Variants in LYPD2 observed in about 807,000 individuals in gnomAD.
LYPD2 encodes LY6/PLAUR domain containing 2.
LYPD2 carries 5 observed loss-of-function variants against 7.1 expected under a neutral mutation model. That is an observed-to-expected ratio of 0.70 (90% CI 0.37 to 1.48). The LOEUF is 1.48. Among genes scored for constraint, LYPD2 ranks in the 40% most tolerant of loss-of-function variants. The pLI is 0.03. For synonymous variants in LYPD2, 78 were observed against 82.0 expected, an observed-to-expected ratio of 0.95 and a Z score of 0.26; for missense variants, 177 against 171.0, an observed-to-expected ratio of 1.04 and a Z score of -0.20.
intron 1 of LYPD2, among the ~76,000 whole-genome samples, chr8:142,752,110 A>T (rs1183997017): frequency 1.3e-5 from 2 of 151,960 alleles, no homozygotes; most frequent in African/African-American, 4.8e-5. Flanking sequence ...CCCCCCATAA[A>T]GTGTGACACC....
chr8:142,750,506 C>A lies in LYPD2; in HGVS notation c.179-24G>T, dbSNP rs76580227. 402 of 1,560,522 alleles carry A rather than the reference C, an allele frequency of 2.6e-4. No individual in the cohort carries two copies. In the East Asian group the frequency reaches 5.3e-3, roughly 20 times the overall value. On this transcript the variant is annotated intron_variant, in intron 2 of 2. Transcript: ENST00000359228. ...CACTGTGGGGTGTGGGAAGAGTCAG[C>A]CGTCAGGGCTGGTCACTGCCTCCAA...
intron 1 of LYPD2, among the ~76,000 whole-genome samples, chr8:142,751,701 G>A (rs889527613): frequency 7.9e-5 from 12 of 152,108 alleles, no homozygotes; most frequent in Admixed American, 2.6e-4. Context: ...ACGGGGACCG[G>A]AGAGGCTCCA....
chr8:142,752,264 C>A (rs778376734), intron 1 of LYPD2, 130 bp downstream of exon 1: 1 of 1,006,794 alleles, frequency 9.9e-7, no homozygotes, highest in South Asian at 1.6e-5. Flanking sequence ...GGGGCCACAC[C>A]CCCGGCCCCA....
chr8:142,751,227 CA>C (rs1814709318), intron 1 of LYPD2, 57 bp from the exon 2 acceptor site: 1 of 1,602,342 alleles, frequency 6.2e-7, no homozygotes, highest in Non-Finnish European at 8.5e-7. Flanking sequence ...AGCCCAGAGA[CA>C]GTCTGTCCTG....
Position 142,752,387 on chromosome 8 carries a change from A to C in LYPD2, c.58+7T>G, listed in dbSNP as rs1188170684. 4 of 1,613,098 alleles carry C rather than the reference A, an allele frequency of 2.5e-6. No individual in the cohort carries two copies. Among genetic ancestry groups the C allele is most frequent in the Non-Finnish European group, 3.4e-6 (4 of 1,179,638 alleles). ...GTCCCAGCTCCCCTGTGGGTCCCACACCTCACCCAGCTCTCCGCAGGCAGC... is the reference window on the plus strand; with the variant it reads ...GTCCCAGCTCCCCTGTGGGTCCCACCCCTCACCCAGCTCTCCGCAGGCAGC... On this transcript the variant is annotated splice_region_variant and intron_variant, in intron 1 of 2. Transcript: ENST00000359228.
chr8:142,750,564 GC>G (rs1484049607), intron 2 of LYPD2, 82 bp from the exon 3 acceptor site: 1 of 1,392,010 alleles, frequency 7.2e-7, no homozygotes, highest in Non-Finnish European at 9.9e-7. Flanking sequence ...CCTCATGCAG[GC>G]CCCACTCTGG....
chr8:142,750,421 C>G lies in LYPD2; in HGVS notation c.240G>C (p.Ser80=), dbSNP rs375211851. ...TKSCASKCKP[S]DVDGIGQTLP... is the part of the protein sequence containing the mutation. ...GGGTCTGGCCGATGCCATCCACATC[C>G]GAGGGCTTACACTTGCTGGCACAGG... Residue 80 remains serine (S), a synonymous_variant, in exon 3 of 3, where the codon TCG becomes TCC. Transcript: ENST00000359228. 3.8e-6 allele frequency: 6 copies of G among 1,588,210 alleles called. No individual in the cohort carries two copies. In the Admixed American group the frequency reaches 7.1e-5, roughly 19 times the overall value.
chr8:142,752,246 A>C, intron 1 of LYPD2, 148 bp downstream of exon 1: 1 of 800,580 alleles, frequency 1.2e-6, no homozygotes, highest in Non-Finnish European at 2.0e-6. Context: ...TCCCCTCCTT[A>C]TGGCGGGGGG....
At chr8:142,750,506 C>G in intron 2 of LYPD2, 24 bp from the exon 3 acceptor site, 1 of 1,560,522 alleles carries the variant, frequency 6.4e-7, no homozygotes, top group East Asian at 2.4e-5. Flanking sequence ...GAAGAGTCAG[C>G]CGTCAGGGCT....
chr8:142,752,087 TGGGTGCCCATAGCCCCCCATAA>T (rs899080254), intron 1 of LYPD2, among the ~76,000 whole-genome samples: 3 of 152,114 alleles, frequency 2.0e-5, no homozygotes, highest in Non-Finnish European at 4.4e-5. Context: ...AAGGCCCTTC[TGGGTGCCCATAGCCCCCCATAA>T]AGTGTGACAC....
Sources: allele counts gnomAD v4.1 joint callset (sites outside exome capture counted in the v4.1 genomes callset), GRCh38; gene constraint gnomAD v4.1.1; transcripts MANE v1.5; gene names NCBI Gene and HGNC (gene_info 2026-07-23, HGNC 2026-07-21).